KLF13: variants seen among roughly 807,000 people sequenced by gnomAD.
KLF13 encodes KLF transcription factor 13, also known as Krueppel-like factor 13.
In KLF13, 8 loss-of-function variants were observed where a neutral mutation model predicts 16.7. That is an observed-to-expected ratio of 0.48 (90% CI 0.28 to 0.87). The LOEUF is 0.87. KLF13 is among the 40% of genes least tolerant of loss of function. KLF13 has a pLI of 0.10. For missense variants in KLF13, 447 were observed against 452.2 expected, an observed-to-expected ratio of 0.99 and a Z score of 0.10; for synonymous variants, 245 against 208.4, an observed-to-expected ratio of 1.18 and a Z score of -1.51.
rs1173742022 is a variant in KLF13 at position 31,374,362 on chromosome 15, C to T, written c.*2063C>T. 6.6e-6 allele frequency: 1 copy of T among 152,254 alleles called. No homozygotes were observed. Among genetic ancestry groups the T allele is most frequent in the Non-Finnish European group, 1.5e-5 (1 of 68,074 alleles). The allele number at this position is 152,254 out of a possible 1,614,324, so 9.4% of individuals were successfully genotyped here. ...CACTCTGGTTGGATGCGGAGCTGGT[C>T]CCTCTGGCTGCCATGCTGTGTTGGG... On this transcript the variant is annotated 3_prime_UTR_variant, in exon 2 of 2. Coordinates refer to ENST00000307145, the MANE Select transcript of KLF13 (RefSeq NM_015995.4).
intron 1 of KLF13, among the ~76,000 whole-genome samples, chr15:31,385,742 C>T (rs969551912): frequency 2.0e-5 from 3 of 152,182 alleles, no homozygotes; most frequent in Non-Finnish European, 4.4e-5. Context: ...CCTCCCTATT[C>T]CCTAAGACAC....
At chr15:31,371,544 C>T (rs539163755) in intron 1 of KLF13, among the ~76,000 whole-genome samples, 1 of 152,398 alleles carries the variant, frequency 6.6e-6, no homozygotes, top group Admixed American at 6.5e-5. Context: ...TGGGAATTGC[C>T]TTCCTGCCCT....
chr15:31,327,047 C>A lies in KLF13; in HGVS notation c.-166C>A. On this transcript the variant is annotated 5_prime_UTR_variant, in exon 1 of 2. Transcript: ENST00000307145. ...GGCCGGCGCCTCGCAGACGCGGAGC[C>A]GCGCGGGTGACGGCACAGGCGGCTG... The A allele has an allele frequency of 1.9e-6, 1 of 519,780 alleles. No individual in the cohort carries two copies. The highest frequency in any genetic ancestry group is 2.6e-6 in the Non-Finnish European group (1 of 387,140). The allele number at this position is 519,780 out of a possible 1,614,324, so 32.2% of individuals were successfully genotyped here. A position where few individuals can be genotyped will look rare whatever the true frequency, so the allele number is the denominator to read the frequency against.
chr15:31,402,911 G>A (rs1384466381), intron 2 of KLF13, among the ~76,000 whole-genome samples: 1 of 151,312 alleles, frequency 6.6e-6, no homozygotes, highest in African/African-American at 2.5e-5. Flanking sequence ...ATGGGCAATG[G>A]GACTCGTGAA....
At chr15:31,354,659 A>C (rs1367811382) in intron 1 of KLF13, among the ~76,000 whole-genome samples, 1 of 152,212 alleles carries the variant, frequency 6.6e-6, no homozygotes, top group African/African-American at 2.4e-5. Context: ...TGCTGGGATT[A>C]CAGGCGTGAG....
At chr15:31,393,423 TCC>T (rs11298636) in intron 1 of KLF13, among the ~76,000 whole-genome samples, 2 of 114,342 alleles carry the variant, frequency 1.7e-5, no homozygotes, top group Non-Finnish European at 3.5e-5. Flanking sequence ...CCCCGGCCCG[TCC>T]CCCCCCCGTC....
chr15:31,356,620 G>C (rs75964609), intron 1 of KLF13, among the ~76,000 whole-genome samples: 4,669 of 152,324 alleles, frequency 0.031, 244 homozygotes, highest in African/African-American at 0.11. Flanking sequence ...GAGAATGGGA[G>C]GCCATTGTTT....
rs1385089627 is a variant in KLF13, at chr15:31,372,538, C to T, written c.*239C>T. The T allele has an allele frequency of 1.9e-6, 1 of 526,074 alleles. No homozygotes were observed. The highest frequency in any genetic ancestry group is 3.3e-6 in the Non-Finnish European group (1 of 306,372). 32.6% of individuals were successfully genotyped at this position (526,074 alleles called of 1,614,324 possible). ...AAAGTTGAGATTCAGCGTTGTTGAACCCCCTTTCTCAGGGATGGACACGTT... is the reference window on the plus strand; with the variant it reads ...AAAGTTGAGATTCAGCGTTGTTGAATCCCCTTTCTCAGGGATGGACACGTT... On this transcript the variant is annotated 3_prime_UTR_variant, in exon 2 of 2. Transcript: ENST00000307145.
intron 1 of KLF13, among the ~76,000 whole-genome samples, chr15:31,335,521 G>A (rs761651204): frequency 2.5e-4 from 38 of 151,576 alleles, no homozygotes; most frequent in Non-Finnish European, 5.0e-4. Flanking sequence ...GCATGGCACC[G>A]AGCACCAGAA....
chr15:31,403,831 A>G (rs746365026), exon 3 of KLF13: 2 of 152,208 alleles, frequency 1.3e-5, no homozygotes, highest in African/African-American at 4.8e-5. Context: ...CACCACCCTC[A>G]GAGAGTTTAC....
chr15:31,417,994 A>G (rs1012805656), intron 1 of KLF13, among the ~76,000 whole-genome samples: 6 of 152,226 alleles, frequency 3.9e-5, no homozygotes, highest in Non-Finnish European at 5.9e-5. Flanking sequence ...ACACAAGGAT[A>G]CAGGGAGCTT....
At chr15:31,383,478 T>C (rs992335133) in intron 1 of KLF13, among the ~76,000 whole-genome samples, 3 of 152,212 alleles carry the variant, frequency 2.0e-5, no homozygotes, top group Non-Finnish European at 4.4e-5. Context: ...GAGGCACACA[T>C]AGGAGTGTCA....
chr15:31,427,896 C>T (rs903313778), intron 1 of KLF13, among the ~76,000 whole-genome samples: 7 of 152,138 alleles, frequency 4.6e-5, no homozygotes, highest in Admixed American at 2.6e-4. Context: ...ATGAGACCAA[C>T]ACCAAGGAAG....
At chr15:31,337,070 G>A (rs758659609) in intron 1 of KLF13, among the ~76,000 whole-genome samples, 7 of 152,158 alleles carry the variant, frequency 4.6e-5, no homozygotes, top group Admixed American at 1.3e-4. Context: ...TTACTGCCCC[G>A]TTGTCCTCAC....
intron 2 of KLF13, among the ~76,000 whole-genome samples, chr15:31,402,346 G>T (rs1435112790): frequency 6.6e-6 from 1 of 152,212 alleles, no homozygotes; most frequent in African/African-American, 2.4e-5. Flanking sequence ...GCCCCACAGG[G>T]GCACCTCTAG....
Position 31,416,650 on chromosome 15 carries a change from A to T in KLF13, n.118-18720A>T, listed in dbSNP as rs961977068. On this transcript the variant is annotated intron_variant and non_coding_transcript_variant, in intron 1 of 1. Coordinates refer to the KLF13 transcript ENST00000558225. The stretch of plus-strand genomic sequence containing the variant: ...CTTCTTTAATTAGATAAAGGCATTT[A>T]TAAAACACCCATATCAAATATCATA... 1.3e-5 allele frequency among the ~76,000 whole-genome samples: 2 copies of T among 152,216 alleles called. 1 individual carries two copies. Among genetic ancestry groups the T allele is most frequent in the South Asian group, 4.1e-4 (2 of 4,836 alleles).
intron 1 of KLF13, among the ~76,000 whole-genome samples, chr15:31,332,018 C>T (rs1390968616): frequency 1.3e-5 from 2 of 152,166 alleles, no homozygotes; most frequent in Non-Finnish European, 2.9e-5. Flanking sequence ...AACTTATTTA[C>T]CCTTCACTTA....
rs2040333761 is a variant in KLF13, at chr15:31,422,119, A to T, written n.118-13251A>T. Among the ~76,000 whole-genome samples, 3 of 45,280 alleles carry T rather than the reference A, an allele frequency of 6.6e-5. No individual in the cohort carries two copies. The Admixed American group carries it at 8.5e-4, about 13-fold the overall frequency. 29.7% of individuals were successfully genotyped at this position (45,280 alleles called of 152,430 possible). A position where few individuals can be genotyped will look rare whatever the true frequency, so the allele number is the denominator to read the frequency against. Reference sequence around the variant, plus strand: ...GACAGAGCAAGACTCCATCTCAAAAACAAACAAACAAACAAAAAAAAAAAA... The same window carrying T: ...GACAGAGCAAGACTCCATCTCAAAATCAAACAAACAAACAAAAAAAAAAAA... On this transcript the variant is annotated intron_variant and non_coding_transcript_variant, in intron 1 of 1. Transcript: ENST00000558225.
At chr15:31,416,561 A>C (rs1282854328) in intron 1 of KLF13, among the ~76,000 whole-genome samples, 1 of 152,184 alleles carries the variant, frequency 6.6e-6, no homozygotes, top group East Asian at 1.9e-4. Context: ...CATCTCAAAA[A>C]TCATTTGAAA....
Sources: allele counts gnomAD v4.1 joint callset (sites outside exome capture counted in the v4.1 genomes callset), GRCh38; gene constraint gnomAD v4.1.1; transcripts MANE v1.5; gene names NCBI Gene and HGNC (gene_info 2026-07-23, HGNC 2026-07-21).